The following PTPN4 variants were observed in gnomAD, a reference collection of about 807,000 sequenced individuals.
The protein encoded by PTPN4 is tyrosine-protein phosphatase non-receptor type 4.
In PTPN4, 49 loss-of-function variants were observed where a neutral mutation model predicts 135.5. The ratio of observed to expected loss-of-function variants is 0.36; its 90% CI spans 0.29 to 0.46. The LOEUF (loss-of-function observed/expected upper bound fraction) is 0.46. Ranked by LOEUF, PTPN4 falls within the 20% of genes least tolerant of loss-of-function variation. PTPN4 has a pLI of 1.00. For synonymous variants in PTPN4, 333 were observed against 369.9 expected (o/e 0.90, Z 1.14); for missense variants, 860 against 1,101.0 (o/e 0.78, Z 3.10).
At chr2:119,871,865 C>A (rs1677915196) in intron 3 of PTPN4, among the ~76,000 whole-genome samples, 1 of 152,106 alleles carries the variant, frequency 6.6e-6, no homozygotes, top group African/African-American at 2.4e-5. Flanking sequence ...CACCCTATGC[C>A]TACAGATTCA....
At chr2:119,845,080 G>A (rs1378565905) in intron 2 of PTPN4, among the ~76,000 whole-genome samples, 1 of 149,268 alleles carries the variant, frequency 6.7e-6, no homozygotes, top group Non-Finnish European at 1.5e-5. Flanking sequence ...GCGAAACCCC[G>A]TCTCCACCAA....
chr2:119,887,508 C>G (rs1028991621), intron 9 of PTPN4, among the ~76,000 whole-genome samples: 1 of 152,042 alleles, frequency 6.6e-6, no homozygotes, highest in African/African-American at 2.4e-5. Context: ...TTTATAGTTT[C>G]GGGTATTACA....
At chr2:119,939,322 A>G (rs1233194746) in intron 15 of PTPN4, among the ~76,000 whole-genome samples, 1 of 152,108 alleles carries the variant, frequency 6.6e-6, no homozygotes. Flanking sequence ...TTATTTAGGG[A>G]CAGGGTCTTG....
chr2:119,946,682 T>C (rs2105048299), intron 18 of PTPN4, 108 bp downstream of exon 18: 1 of 922,492 alleles, frequency 1.1e-6, no homozygotes, highest in East Asian at 2.8e-5. Context: ...TTCTTTTATT[T>C]ATCAAGTGTC....
At chr2:119,868,033 C>G (rs1211650490) in intron 3 of PTPN4, among the ~76,000 whole-genome samples, 3 of 152,164 alleles carry the variant, frequency 2.0e-5, no homozygotes, top group African/African-American at 7.2e-5. Flanking sequence ...GATACTGTTT[C>G]CCCATCAAGT....
chr2:119,913,037 C>T (rs61069652), intron 10 of PTPN4, among the ~76,000 whole-genome samples: 6 of 152,036 alleles, frequency 3.9e-5, no homozygotes, highest in African/African-American at 7.2e-5. Flanking sequence ...GAGGTTCATC[C>T]GCATTGTAGT....
Position 119,955,195 on chromosome 2 carries a change from C to G in PTPN4, c.1852C>G (p.Pro618Ala). ...DVVEEKLENE[P>A]DFQYIPEKAP... is the part of the protein sequence containing the mutation. ...AGTGGAAGAAAAGCTAGAAAATGAG[C>G]CAGATTTCCAGTATATTCCTGAGAA... Residue 618 changes from proline (P) to alanine (A), a missense_variant, in exon 20 of 27, where the codon CCA becomes GCA. Pro to Ala is a conservative substitution (Grantham distance 27). Around this residue, in one of 2 missense-constraint regions of PTPN4, gnomAD observed 684 missense variants for 807.0 expected, o/e 0.85. Transcript: ENST00000263708. 1 of 1,611,190 alleles carries G rather than the reference C, an allele frequency of 6.2e-7. No homozygotes were observed. The highest frequency in any genetic ancestry group is 8.5e-7 in the Non-Finnish European group (1 of 1,179,074).
chr2:119,904,059 T>C (rs1225029511), intron 10 of PTPN4, among the ~76,000 whole-genome samples: 1 of 152,208 alleles, frequency 6.6e-6, no homozygotes, highest in Non-Finnish European at 1.5e-5. Context: ...AAGCACCTGT[T>C]ACACCAGATG....
chr2:119,950,270 A>G (rs993526470), intron 18 of PTPN4, among the ~76,000 whole-genome samples: 2 of 152,210 alleles, frequency 1.3e-5, no homozygotes, highest in Admixed American at 1.3e-4. Context: ...ACTAATTGGT[A>G]TACAAAAGCA....
chr2:119,973,673 T>TTTTTTTTTTTTG (rs2105067397), intron 26 of PTPN4, among the ~76,000 whole-genome samples: 2 of 142,532 alleles, frequency 1.4e-5, no homozygotes, highest in African/African-American at 5.3e-5. Context: ...TTTTTTTTTT[T>TTTTTTTTTTTTG]TTTTTTTTTG....
intron 25 of PTPN4, among the ~76,000 whole-genome samples, chr2:119,966,396 G>A (rs982522735): frequency 2.6e-5 from 4 of 152,096 alleles, no homozygotes; most frequent in African/African-American, 9.7e-5. Context: ...GTAGCTAGAG[G>A]TACAGGTGTA....
intron 20 of PTPN4, among the ~76,000 whole-genome samples, chr2:119,956,455 A>G (rs1349644790): frequency 6.6e-6 from 1 of 152,092 alleles, no homozygotes; most frequent in Non-Finnish European, 1.5e-5. Context: ...GTTATAGGTA[A>G]GTGTTTAACT....
chr2:119,899,293 C>T (rs72838971), intron 9 of PTPN4, among the ~76,000 whole-genome samples: 3,652 of 152,260 alleles, frequency 0.024, 60 homozygotes, highest in Non-Finnish European at 0.033. Context: ...CACAGCTGCT[C>T]CCTACCTGAT....
chr2:119,968,740 C>T (rs781711321), intron 26 of PTPN4, among the ~76,000 whole-genome samples: 8 of 151,934 alleles, frequency 5.3e-5, no homozygotes, highest in African/African-American at 1.7e-4. Flanking sequence ...TGCAGTGAGC[C>T]GAGATTGCGC....
At chr2:119,856,228 T>G (rs781430502) in intron 2 of PTPN4, among the ~76,000 whole-genome samples, 21 of 152,212 alleles carry the variant, frequency 1.4e-4, no homozygotes, top group Admixed American at 6.5e-5. Flanking sequence ...TCCTTTTAGA[T>G]CGCTCCTGTT....
intron 15 of PTPN4, among the ~76,000 whole-genome samples, chr2:119,938,804 T>G (rs976209808): frequency 3.9e-5 from 6 of 152,276 alleles, no homozygotes; most frequent in African/African-American, 1.4e-4. Flanking sequence ...TTTTATAAAT[T>G]GGCTTCTGAG....
At chr2:119,955,567 A>G (rs547745046) in intron 20 of PTPN4, among the ~76,000 whole-genome samples, 2 of 152,324 alleles carry the variant, frequency 1.3e-5, no homozygotes, top group Non-Finnish European at 2.9e-5. Flanking sequence ...TATGTCATCA[A>G]ACTAAATTTT....
chr2:119,760,966 G>A (rs150202686), intron 1 of PTPN4, among the ~76,000 whole-genome samples: 1 of 151,924 alleles, frequency 6.6e-6, no homozygotes, highest in Non-Finnish European at 1.5e-5. Context: ...TTGCACAGGT[G>A]ATGTGTGGAT....
chr2:119,906,462 A>G (rs1159806748), intron 10 of PTPN4, among the ~76,000 whole-genome samples: 1 of 152,228 alleles, frequency 6.6e-6, no homozygotes, highest in Non-Finnish European at 1.5e-5. Context: ...ACGTATCTAC[A>G]CGTGATCAAG....
Sources: gnomAD v4.1 joint callset for allele counts (sites outside exome capture counted in the v4.1 genomes callset) on GRCh38, gnomAD v4.1.1 for gene constraint, gnomAD v4.1.1 regional missense constraint, MANE v1.5 for transcripts, NCBI Gene and HGNC (gene_info 2026-07-23, HGNC 2026-07-21) for gene names.